NPAS3: variants seen among roughly 807,000 people sequenced by gnomAD.
The protein encoded by NPAS3 is neuronal PAS domain-containing protein 3.
Under a neutral mutation model 73.1 loss-of-function variants are expected in NPAS3, and 14 were observed. That is an observed-to-expected ratio of 0.19 (90% CI 0.13 to 0.30). The LOEUF is 0.30. Ranked by LOEUF, NPAS3 falls within the 10% of genes least tolerant of loss-of-function variation. NPAS3 has a pLI of 1.00. For synonymous variants in NPAS3, 620 were observed against 541.5 expected (o/e 1.14, Z -2.01); for missense variants, 1,096 against 1,250.0 (o/e 0.88, Z 1.86).
rs185870164 is a variant in NPAS3 at position 33,343,790 on chromosome 14, T to G, written c.386-23396T>G. On this transcript the variant is annotated intron_variant, in intron 3 of 11. Transcript: ENST00000356141. ...AGCAATACCGTGATGGAATTATCCGTGTAGAAGTTTGTAGGTAGGCAGCCC... is the reference window on the plus strand; with the variant it reads ...AGCAATACCGTGATGGAATTATCCGGGTAGAAGTTTGTAGGTAGGCAGCCC... 2.0e-5 allele frequency among the ~76,000 whole-genome samples: 3 copies of G among 152,246 alleles called. No homozygotes were observed. The East Asian group carries it at 5.8e-4, about 29-fold the overall frequency.
chr14:33,058,766 A>AG (rs1460980409), intron 2 of NPAS3, among the ~76,000 whole-genome samples: 1 of 152,216 alleles, frequency 6.6e-6, no homozygotes, highest in African/African-American at 2.4e-5. Context: ...TTTACTGGGT[A>AG]GATCATGAGG....
intron 4 of NPAS3, among the ~76,000 whole-genome samples, chr14:33,438,348 CATG>C (rs1227884766): frequency 6.6e-6 from 1 of 152,182 alleles, no homozygotes; most frequent in Non-Finnish European, 1.5e-5. Flanking sequence ...TAAGACTCTC[CATG>C]TGGCAGGGAA....
intron 3 of NPAS3, among the ~76,000 whole-genome samples, chr14:33,230,242 G>A (rs543403323): frequency 2.0e-5 from 3 of 152,230 alleles, no homozygotes; most frequent in African/African-American, 4.8e-5. Flanking sequence ...CACAACCAGC[G>A]CCAAACTATT....
At chr14:33,080,023 GA>G (rs1425517219) in intron 2 of NPAS3, among the ~76,000 whole-genome samples, 3 of 152,168 alleles carry the variant, frequency 2.0e-5, no homozygotes, top group African/African-American at 7.2e-5. Flanking sequence ...TCACCCATAA[GA>G]AAGTTACATA....
chr14:33,645,729 C>T (rs1029868165), intron 5 of NPAS3, among the ~76,000 whole-genome samples: 7 of 152,294 alleles, frequency 4.6e-5, no homozygotes, highest in Non-Finnish European at 1.0e-4. Flanking sequence ...TGCTTCTGAG[C>T]TTGCTGCCAT....
At chr14:33,535,035 A>G (rs2140204420) in intron 4 of NPAS3, among the ~76,000 whole-genome samples, 1 of 152,336 alleles carries the variant, frequency 6.6e-6, no homozygotes, top group East Asian at 1.9e-4. Flanking sequence ...ATTCAATGAA[A>G]GATTTTGAAA....
intron 4 of NPAS3, among the ~76,000 whole-genome samples, chr14:33,448,699 C>T (rs996143206): frequency 4.6e-5 from 7 of 152,184 alleles, no homozygotes; most frequent in Admixed American, 3.9e-4. Context: ...AGGAACATCT[C>T]TCTGCCATCA....
intron 5 of NPAS3, among the ~76,000 whole-genome samples, chr14:33,599,920 GA>G (rs1436895651): frequency 2.6e-5 from 4 of 152,192 alleles, no homozygotes; most frequent in Non-Finnish European, 5.9e-5. Flanking sequence ...AGGAGTCCAT[GA>G]GAAATGTGTT....
intron 2 of NPAS3, among the ~76,000 whole-genome samples, chr14:33,146,483 T>C (rs947398730): frequency 6.6e-6 from 1 of 152,206 alleles, no homozygotes; most frequent in Non-Finnish European, 1.5e-5. Flanking sequence ...TATTTCTTAC[T>C]CAGTATTCAT....
intron 1 of NPAS3, among the ~76,000 whole-genome samples, chr14:33,021,308 C>G (rs17099925): frequency 0.011 from 1,705 of 152,300 alleles, 31 homozygotes; most frequent in African/African-American, 0.038. Flanking sequence ...GAATTAAGAA[C>G]TATTATCCCC....
intron 5 of NPAS3, among the ~76,000 whole-genome samples, chr14:33,604,911 T>A (rs913373803): frequency 6.6e-6 from 1 of 151,984 alleles, no homozygotes; most frequent in Admixed American, 6.5e-5. Flanking sequence ...GAAATAAAAA[T>A]GAATGTAAAA....
intron 4 of NPAS3, among the ~76,000 whole-genome samples, chr14:33,472,607 A>G (rs1374082048): frequency 1.4e-5 from 2 of 143,530 alleles, no homozygotes; most frequent in East Asian, 3.9e-4. Context: ...TAGTTACTTG[A>G]ATCAGCTGAT....
intron 4 of NPAS3, among the ~76,000 whole-genome samples, chr14:33,479,117 G>A (rs1175861547): frequency 6.6e-6 from 1 of 152,138 alleles, no homozygotes; most frequent in Non-Finnish European, 1.5e-5. Flanking sequence ...GTTAAAGCAC[G>A]ACATTATTGT....
chr14:33,461,683 G>C (rs139539929), intron 4 of NPAS3, among the ~76,000 whole-genome samples: 222 of 152,330 alleles, frequency 1.5e-3, no homozygotes, highest in African/African-American at 4.9e-3. Context: ...GCAGGTTCCA[G>C]TTTGAAATCT....
At chr14:33,293,752 T>C (rs2042189224) in intron 3 of NPAS3, among the ~76,000 whole-genome samples, 1 of 152,222 alleles carries the variant, frequency 6.6e-6, no homozygotes, top group African/African-American at 2.4e-5. Context: ...TGCCATATTT[T>C]GTGTTATGGT....
In NPAS3 at chr14:33,709,380, C is replaced by T. The variant is rs79984101; in HGVS notation, c.734-25834C>T. Among the ~76,000 whole-genome samples the T allele has an allele frequency of 9.4e-3, 1,425 of 152,256 alleles. 30 individuals are homozygous for T. Among genetic ancestry groups the T allele is most frequent in the African/African-American group, 0.032 (1,320 of 41,536 alleles). On this transcript the variant is annotated intron_variant, in intron 6 of 11. Coordinates refer to ENST00000356141, the Ensembl canonical transcript of NPAS3. ...TAATATCACAGGATGCCAGGAGAGG[C>T]AGAAGTGAATTCATACTCTCTGCTA... is the stretch of plus-strand genomic sequence containing the variant.
intron 1 of NPAS3, among the ~76,000 whole-genome samples, chr14:32,975,858 GGCGTGT>G (rs1201426489): frequency 1.7e-5 from 2 of 119,706 alleles, no homozygotes; most frequent in Non-Finnish European, 3.3e-5. Flanking sequence ...GGTGGTGAGG[GGCGTGT>G]GTGTGTGTGT....
intron 4 of NPAS3, among the ~76,000 whole-genome samples, chr14:33,511,065 C>G (rs2053026541): frequency 6.6e-6 from 1 of 151,970 alleles, no homozygotes; most frequent in South Asian, 2.1e-4. Context: ...CTCCTAGTTT[C>G]ATAGTTCTTT....
At chr14:33,647,489 A>T (rs1233611473) in intron 5 of NPAS3, among the ~76,000 whole-genome samples, 1 of 152,054 alleles carries the variant, frequency 6.6e-6, no homozygotes, top group Non-Finnish European at 1.5e-5. Context: ...TCTAGTTGTT[A>T]GTCATTCTGT....
Sources: gnomAD v4.1 joint callset for allele counts (sites outside exome capture counted in the v4.1 genomes callset) on GRCh38, gnomAD v4.1.1 for gene constraint, MANE v1.5 for transcripts, NCBI Gene and HGNC (gene_info 2026-07-23, HGNC 2026-07-21) for gene names.